Variants in PSG2 observed in about 807,000 individuals in gnomAD.
The protein encoded by PSG2 is pregnancy specific beta-1-glycoprotein 2.
In PSG2, 49 loss-of-function variants were observed where a neutral mutation model predicts 36.2. The ratio of observed to expected loss-of-function variants is 1.35; its 90% CI spans 1.08 to 1.72. PSG2 has a LOEUF of 1.72. PSG2 is among the 40% of genes most tolerant of loss of function. The pLI is 0.00. For synonymous variants in PSG2, 261 were observed against 155.6 expected, an observed-to-expected ratio of 1.68 and a Z score of -5.04; for missense variants, 605 against 407.2, an observed-to-expected ratio of 1.49 and a Z score of -4.18.
At chr19:43,082,087 A>G (rs939836639) in intron 1 of PSG2, 2 of 159,258 alleles carry the variant, frequency 1.3e-5, no homozygotes, top group African/African-American at 5.2e-5. Context: ...CCAGGCTCCA[A>G]CAGAGCCTTC....
intron 4 of PSG2, among the ~76,000 whole-genome samples, chr19:43,068,888 A>G (rs1340322127): frequency 1.3e-5 from 2 of 151,698 alleles, no homozygotes; most frequent in African/African-American, 4.9e-5. Flanking sequence ...CAAGAATTTA[A>G]AAAAAGACAT....
At chr19:43,067,611 G>T (rs10409011) in intron 4 of PSG2, among the ~76,000 whole-genome samples, 1 of 150,976 alleles carries the variant, frequency 6.6e-6, no homozygotes, top group African/African-American at 2.5e-5. Context: ...GCTTAGCGTG[G>T]TGTAAAAACT....
intron 4 of PSG2, among the ~76,000 whole-genome samples, chr19:43,069,166 T>C (rs1162697402): frequency 6.6e-6 from 1 of 151,400 alleles, no homozygotes. Flanking sequence ...AGAGGTGAAA[T>C]GATTATACCT....
intron 2 of PSG2, among the ~76,000 whole-genome samples, chr19:43,076,826 A>T (rs1346232894): frequency 6.6e-6 from 1 of 151,092 alleles, no homozygotes; most frequent in Non-Finnish European, 1.5e-5. Flanking sequence ...TGGATTTCTA[A>T]TTTTTTTATT....
At chr19:43,075,656 T>C (rs1385740874) in intron 2 of PSG2, 24 bp from the exon 3 acceptor site, 1 of 1,599,492 alleles carries the variant, frequency 6.3e-7, no homozygotes, top group Non-Finnish European at 8.5e-7. Flanking sequence ...AGAGAGAAGA[T>C]TGCCCTGTGT....
rs374036516 is a variant in PSG2, at chr19:43,066,671, G to A, written c.965-71C>T. ...TTACATGGGGGAGCATCAGGAACAA[G>A]CATGTAACATGAGGTACTCTATAAT... On this transcript the variant is annotated intron_variant, in intron 4 of 5. Coordinates refer to ENST00000406487, the MANE Select transcript of PSG2 (RefSeq NM_031246.4). The A allele has an allele frequency of 9.0e-4, 1,315 of 1,459,288 alleles. 10 individuals carry two copies. The highest frequency in any genetic ancestry group is 1.2e-3 in the Non-Finnish European group (1,245 of 1,042,128). The allele number at this position is 1,459,288 out of a possible 1,614,324, so 90.4% of individuals were successfully genotyped here. A position where few individuals can be genotyped will look rare whatever the true frequency, so the allele number is the denominator to read the frequency against.
intron 2 of PSG2, among the ~76,000 whole-genome samples, chr19:43,076,676 G>A (rs1404398814): frequency 2.0e-5 from 3 of 151,666 alleles, no homozygotes. Context: ...CTGGGATCAG[G>A]GGAATAGGGC....
At chr19:43,076,859 A>G (rs1967904022) in intron 2 of PSG2, among the ~76,000 whole-genome samples, 1 of 151,562 alleles carries the variant, frequency 6.6e-6, no homozygotes, top group African/African-American at 2.4e-5. Context: ...CCGTATATGT[A>G]CTGGTTTAGC....
intron 2 of PSG2, among the ~76,000 whole-genome samples, chr19:43,079,059 G>A (rs1259660432): frequency 6.6e-6 from 1 of 151,698 alleles, no homozygotes; most frequent in Admixed American, 6.6e-5. Context: ...TTAGAAGGAA[G>A]GGAACAGAAC....
intron 3 of PSG2, among the ~76,000 whole-genome samples, chr19:43,073,992 T>C (rs912697444): frequency 2.0e-5 from 3 of 151,698 alleles, no homozygotes; most frequent in South Asian, 2.1e-4. Context: ...TTGCCCTTTT[T>C]TTTCTCTCAC....
intron 3 of PSG2, among the ~76,000 whole-genome samples, chr19:43,074,771 G>A (rs1042664480): frequency 8.6e-5 from 13 of 151,740 alleles, no homozygotes; most frequent in Admixed American, 6.6e-5. Flanking sequence ...AACAGACATA[G>A]AGCCCTCTAT....
intron 3 of PSG2, among the ~76,000 whole-genome samples, chr19:43,074,496 T>C (rs1967863810): frequency 6.6e-6 from 1 of 151,904 alleles, no homozygotes; most frequent in East Asian, 1.9e-4. Context: ...CCTTTCAGAT[T>C]GTTCATTGTT....
chr19:43,075,319 G>C (rs756487301), intron 3 of PSG2, 35 bp downstream of exon 3: 3 of 1,613,136 alleles, frequency 1.9e-6, no homozygotes, highest in Middle Eastern at 1.7e-4. Flanking sequence ...ATTTGGGATG[G>C]CAGTCTGGCC....
chr19:43,074,674 T>C (rs1027641501), intron 3 of PSG2, among the ~76,000 whole-genome samples: 3 of 151,726 alleles, frequency 2.0e-5, no homozygotes, highest in African/African-American at 7.3e-5. Context: ...GGAAAACATA[T>C]TGCCAATGTT....
chr19:43,066,538 A>G lies in PSG2; in HGVS notation c.*19T>C. On this transcript the variant is annotated 3_prime_UTR_variant, in exon 5 of 6. Coordinates refer to ENST00000406487, the MANE Select transcript of PSG2 (RefSeq NM_031246.4). ...ATACCTGCCAGTCTTCCTGAAATAC[A>G]GAAATGACATCACAGCTGCTATGTT... 1.9e-6 allele frequency: 3 copies of G among 1,583,208 alleles called. No homozygotes were observed. The highest frequency in any genetic ancestry group is 2.6e-6 in the Non-Finnish European group (3 of 1,152,772).
intron 2 of PSG2, among the ~76,000 whole-genome samples, chr19:43,078,253 A>G (rs1967924752): frequency 6.6e-6 from 1 of 151,732 alleles, no homozygotes; most frequent in Non-Finnish European, 1.5e-5. Context: ...CCATAAAACT[A>G]ACACCCTTAC....
At position 43,080,939 on chromosome 19, in the gene PSG2, G is replaced by A. The variant is rs1267852597; in HGVS notation, c.372C>T (p.Ile124=). Residue 124 remains isoleucine (I), a synonymous_variant, in exon 2 of 6, where the codon ATC becomes ATT. Transcript: ENST00000406487. ...REDAGSYTLH[I]IKRGDGTRGV... ...CTCTAGTCCCATCACCTCGCTTTAT[G>A]ATGTGTAAGGTGTAGGATCCTGCGT... is the stretch of plus-strand genomic sequence containing the variant. 1.2e-6 allele frequency: 2 copies of A among 1,612,916 alleles called. No individual in the cohort carries two copies. The highest frequency in any genetic ancestry group is 1.1e-5 in the South Asian group (1 of 91,030).
At position 43,082,559 on chromosome 19, in the gene PSG2, AG is replaced by A. The variant is rs752981610; in HGVS notation, c.10del (p.Leu4SerfsTer22). 6.2e-7 allele frequency: 1 copy of A among 1,611,760 alleles called. No individual in the cohort carries two copies. The highest frequency in any genetic ancestry group is 1.3e-5 in the African/African-American group (1 of 74,272). MGP[L>X]SAPPCTEHIK... is the part of the protein sequence containing the mutation. ...GTGCTCTGTGCAGGGAGGGGCTGAG[AG>A]GGGCCCCATGGTCTCTGCTGCCTGT... On this transcript the variant is annotated frameshift_variant, in exon 1 of 6. Transcript: ENST00000406487. LOFTEE classifies it high-confidence loss of function.
At chr19:43,075,027 C>T (rs1967872836) in intron 3 of PSG2, among the ~76,000 whole-genome samples, 1 of 151,712 alleles carries the variant, frequency 6.6e-6, no homozygotes. Context: ...GGAAGGGCCA[C>T]AGTGACCCTG....
Sources: gnomAD v4.1 joint callset for allele counts (sites outside exome capture counted in the v4.1 genomes callset) on GRCh38, gnomAD v4.1.1 for gene constraint, MANE v1.5 for transcripts, NCBI Gene and HGNC (gene_info 2026-07-23, HGNC 2026-07-21) for gene names.